Variants in DACH1 observed in about 807,000 individuals in gnomAD.
DACH1 encodes the protein dachshund homolog 1.
In DACH1, 12 loss-of-function variants were observed where a neutral mutation model predicts 54.2. The ratio of observed to expected loss-of-function variants is 0.22; its 90% CI spans 0.14 to 0.36. The LOEUF is 0.36. DACH1 is among the 10% of genes least tolerant of loss of function. The pLI is 1.00. For synonymous variants in DACH1, 386 were observed against 366.2 expected, an observed-to-expected ratio of 1.05 and a Z score of -0.62; for missense variants, 805 against 929.8, an observed-to-expected ratio of 0.87 and a Z score of 1.75.
intron 1 of DACH1, among the ~76,000 whole-genome samples, chr13:71,856,784 T>C (rs1874031593): frequency 6.6e-6 from 1 of 151,896 alleles, no homozygotes; most frequent in Non-Finnish European, 1.5e-5. Context: ...AGTAATTGAT[T>C]TCAATTTAAC....
intron 3 of DACH1, among the ~76,000 whole-genome samples, chr13:71,606,548 T>C (rs1874895874): frequency 6.6e-6 from 1 of 152,052 alleles, no homozygotes. Flanking sequence ...GTGTTGAATT[T>C]ATGTTGTGGA....
At chr13:71,730,255 C>A (rs1003479291) in intron 1 of DACH1, among the ~76,000 whole-genome samples, 1 of 151,668 alleles carries the variant, frequency 6.6e-6, no homozygotes, top group Non-Finnish European at 1.5e-5. Flanking sequence ...AAGGTGAAAA[C>A]AAGTTCTAAG....
intron 6 of DACH1, among the ~76,000 whole-genome samples, chr13:71,500,632 GT>G (rs1453192307): frequency 1.3e-5 from 2 of 152,180 alleles, no homozygotes; most frequent in East Asian, 3.9e-4. Context: ...TTGACCCAAA[GT>G]TTTTCAAACC....
At chr13:71,745,640 G>A (rs1884571026) in intron 1 of DACH1, among the ~76,000 whole-genome samples, 1 of 152,068 alleles carries the variant, frequency 6.6e-6, no homozygotes, top group South Asian at 2.1e-4. Context: ...CACCAAACAA[G>A]AACATCATGT....
At chr13:71,749,427 G>A (rs540754590) in intron 1 of DACH1, among the ~76,000 whole-genome samples, 1 of 151,752 alleles carries the variant, frequency 6.6e-6, no homozygotes, top group Non-Finnish European at 1.5e-5. Flanking sequence ...TTTTTTGAGG[G>A]GGGGGCATTT....
chr13:71,496,306 T>TATATATATATATATAC (rs1217159359), intron 6 of DACH1, among the ~76,000 whole-genome samples: 3 of 46,112 alleles, frequency 6.5e-5, no homozygotes, highest in African/African-American at 1.4e-4. Context: ...TATATATATA[T>TATATATATATATATAC]ACACACACAA....
At chr13:71,828,128 C>G (rs745341250) in intron 1 of DACH1, among the ~76,000 whole-genome samples, 1 of 151,998 alleles carries the variant, frequency 6.6e-6, no homozygotes, top group Non-Finnish European at 1.5e-5. Flanking sequence ...CACCTTTCCG[C>G]TCCTCTGTGA....
At chr13:71,715,091 T>C (rs918866840) in intron 1 of DACH1, among the ~76,000 whole-genome samples, 2 of 152,150 alleles carry the variant, frequency 1.3e-5, no homozygotes, top group African/African-American at 4.8e-5. Context: ...AAATTTGAGC[T>C]GACTGGCCCA....
chr13:71,444,736 C>G (rs961674443), intron 10 of DACH1, among the ~76,000 whole-genome samples: 3 of 152,102 alleles, frequency 2.0e-5, no homozygotes, highest in African/African-American at 7.2e-5. Context: ...CCCATATTTA[C>G]ATTAACTAGC....
chr13:71,489,118 C>T lies in DACH1; in HGVS notation c.1601G>A (p.Arg534Lys). The T allele has an allele frequency of 6.2e-7, 1 of 1,613,584 alleles. No individual in the cohort carries two copies. Among genetic ancestry groups the T allele is most frequent in the Non-Finnish European group, 8.5e-7 (1 of 1,179,686 alleles). ...DETPLSTPTA[R>K]DSLDKLSLTG... ...TAGAGAGAGTTTGTCAAGGCTGTCTCTTGCGGTTGGTGTAGAAAGCGGGGT... is the reference window on the plus strand; with the variant it reads ...TAGAGAGAGTTTGTCAAGGCTGTCTTTTGCGGTTGGTGTAGAAAGCGGGGT... The change falls in exon 7 of 11, where the codon AGA (arginine) becomes AAA (lysine). Residue 534 changes from arginine to lysine, a missense_variant. By Grantham distance (26) the Arg-to-Lys change is conservative. This residue lies in a region of DACH1 where 472 missense variants were observed against 545.3 expected (regional missense o/e 0.87). Coordinates refer to ENST00000613252, the MANE Select transcript of DACH1 (RefSeq NM_080759.6).
chr13:71,443,450 A>G (rs1196805233), intron 10 of DACH1, among the ~76,000 whole-genome samples: 3 of 152,082 alleles, frequency 2.0e-5, no homozygotes, highest in Non-Finnish European at 4.4e-5. Context: ...ATAGTTATAA[A>G]TGAAAAAATA....
chr13:71,757,554 T>A (rs1417968131), intron 1 of DACH1, among the ~76,000 whole-genome samples: 4 of 150,742 alleles, frequency 2.7e-5, no homozygotes, highest in African/African-American at 9.8e-5. Flanking sequence ...GACAGAGTCT[T>A]GCTCTGTCGC....
chr13:71,816,245 C>T (rs567365543), intron 1 of DACH1, among the ~76,000 whole-genome samples: 2 of 152,152 alleles, frequency 1.3e-5, no homozygotes, highest in South Asian at 2.1e-4. Flanking sequence ...GGAAATGGCA[C>T]TATCTTGCTA....
intron 1 of DACH1, among the ~76,000 whole-genome samples, chr13:71,806,365 T>A (rs983776174): frequency 6.6e-6 from 1 of 152,192 alleles, no homozygotes; most frequent in African/African-American, 2.4e-5. Flanking sequence ...TTCCTTTTGA[T>A]ATGTGGCATT....
chr13:71,531,260 A>G (rs557072588), intron 6 of DACH1, among the ~76,000 whole-genome samples: 77 of 152,242 alleles, frequency 5.1e-4, no homozygotes, highest in African/African-American at 1.7e-3. Context: ...ATTTATATTT[A>G]TCATGCATGT....
At chr13:71,692,488 TTTTC>T (rs1170308483) in intron 1 of DACH1, among the ~76,000 whole-genome samples, 2 of 147,884 alleles carry the variant, frequency 1.4e-5, no homozygotes, top group Non-Finnish European at 3.0e-5. Context: ...TTTCCTTTCT[TTTTC>T]TTTCTTTTCT....
chr13:71,810,883 A>G (rs1887682257), intron 1 of DACH1, among the ~76,000 whole-genome samples: 1 of 152,138 alleles, frequency 6.6e-6, no homozygotes, highest in Non-Finnish European at 1.5e-5. Context: ...CTTAGTTGCT[A>G]ATTCCCAAAA....
chr13:71,519,910 C>CATATATATATATATATATATATTT (rs1881464629), intron 6 of DACH1, among the ~76,000 whole-genome samples: 1 of 14,042 alleles, frequency 7.1e-5, no homozygotes, highest in Admixed American at 9.7e-4. Flanking sequence ...TATATATATC[C>CATATATATATATATATATATATTT]TAACTAACAT....
intron 1 of DACH1, among the ~76,000 whole-genome samples, chr13:71,794,176 T>G (rs1214045819): frequency 6.6e-6 from 1 of 152,162 alleles, no homozygotes; most frequent in Non-Finnish European, 1.5e-5. Context: ...TCAACTCAAC[T>G]TAGAGATGAG....
Sources: allele counts gnomAD v4.1 joint callset (sites outside exome capture counted in the v4.1 genomes callset), GRCh38; gene constraint gnomAD v4.1.1; regional missense constraint gnomAD v4.1.1; transcripts MANE v1.5; gene names NCBI Gene and HGNC (gene_info 2026-07-23, HGNC 2026-07-21).